CHRM2: variants seen among roughly 807,000 people sequenced by gnomAD.
The protein encoded by CHRM2 is cholinergic receptor muscarinic 2.
A neutral mutation model predicts 25.0 loss-of-function variants in CHRM2; 8 were observed. The ratio of observed to expected loss-of-function variants is 0.32; its 90% confidence interval spans 0.19 to 0.58. The LOEUF is 0.58. Among genes scored for constraint, CHRM2 ranks in the 20% least tolerant of loss-of-function variants. The pLI is 0.88. For missense variants in CHRM2, 440 were observed against 567.1 expected (o/e 0.78, Z 2.28); for synonymous variants, 202 against 205.7 (o/e 0.98, Z 0.15).
At position 136,960,478 on chromosome 7, in the gene CHRM2, A is replaced by C. The variant is rs1801003443; in HGVS notation, c.-124-31709A>C. 4.6e-5 allele frequency among the ~76,000 whole-genome samples: 7 copies of C among 152,352 alleles called. No individual in the cohort carries two copies. The South Asian group carries it at 1.5e-3, about 32-fold the overall frequency. On this transcript the variant is annotated intron_variant, in intron 2 of 3. Coordinates refer to ENST00000680005, the MANE Select transcript of CHRM2 (RefSeq NM_001006630.2). ...TCACTCATTCCCAGGTTCTCCAGTC[A>C]ACAGACAAGGAAGGAGTCAAATAGA...
intron 2 of CHRM2, among the ~76,000 whole-genome samples, chr7:136,925,890 T>C (rs1183801318): frequency 6.6e-6 from 1 of 152,212 alleles, no homozygotes. Flanking sequence ...GCAAAGTGCC[T>C]ACAATTATTA....
intron 2 of CHRM2, among the ~76,000 whole-genome samples, chr7:136,951,475 A>G (rs757724941): frequency 6.6e-6 from 1 of 152,200 alleles, no homozygotes; most frequent in African/African-American, 2.4e-5. Flanking sequence ...TGTAGGTTCT[A>G]TAACTGCAGC....
chr7:137,014,775 C>G, intron 3 of CHRM2, 45 bp from the exon 4 acceptor site: 1 of 1,155,656 alleles, frequency 8.7e-7, no homozygotes. Flanking sequence ...TATTTTAAAC[C>G]AATGTTTATA....
intron 2 of CHRM2, among the ~76,000 whole-genome samples, chr7:136,958,535 C>T (rs752837917): frequency 1.3e-5 from 2 of 150,694 alleles, no homozygotes; most frequent in Non-Finnish European, 3.0e-5. Context: ...AGCTCACTGC[C>T]ACCTCTACCT....
chr7:136,982,885 A>G (rs1802579136), intron 2 of CHRM2, among the ~76,000 whole-genome samples: 1 of 151,786 alleles, frequency 6.6e-6, no homozygotes, highest in Non-Finnish European at 1.5e-5. Flanking sequence ...TTTTTCCTTC[A>G]TTTCAACCTT....
chr7:136,916,452 T>A (rs924202749), intron 2 of CHRM2, among the ~76,000 whole-genome samples: 1 of 151,758 alleles, frequency 6.6e-6, no homozygotes, highest in African/African-American at 2.4e-5. Flanking sequence ...CCTCATAATA[T>A]GAATTCTGAG....
intron 3 of CHRM2, among the ~76,000 whole-genome samples, chr7:137,005,740 G>A (rs1357142294): frequency 6.6e-6 from 1 of 151,960 alleles, no homozygotes; most frequent in African/African-American, 2.4e-5. Context: ...TTTTATTCTA[G>A]AATTTTCTAT....
chr7:136,951,690 T>C (rs1295259195), intron 2 of CHRM2, among the ~76,000 whole-genome samples: 2 of 152,128 alleles, frequency 1.3e-5, no homozygotes, highest in Non-Finnish European at 2.9e-5. Flanking sequence ...AATACAATAT[T>C]TCAGTGAATT....
Position 136,953,561 on chromosome 7 carries a change from T to C in CHRM2, c.-124-38626T>C, listed in dbSNP as rs146621621. Among the ~76,000 whole-genome samples, 366 of 152,174 alleles carry C rather than the reference T, an allele frequency of 2.4e-3. 3 individuals are homozygous for C. Among genetic ancestry groups the C allele is most frequent in the Non-Finnish European group, 4.1e-3 (280 of 67,992 alleles). On this transcript the variant is annotated intron_variant, in intron 2 of 3. Coordinates refer to ENST00000680005, the MANE Select transcript of CHRM2 (RefSeq NM_001006630.2). Reference sequence around the variant, plus strand: ...GTTATGCCACATGCCAAATTACTCATTCAACAAACATTCACTGAATGCCTG... The same window carrying C: ...GTTATGCCACATGCCAAATTACTCACTCAACAAACATTCACTGAATGCCTG...
At chr7:136,965,997 TATA>T (rs1801392972) in intron 2 of CHRM2, among the ~76,000 whole-genome samples, 1 of 151,996 alleles carries the variant, frequency 6.6e-6, no homozygotes, top group Non-Finnish European at 1.5e-5. Flanking sequence ...TAGAATATGC[TATA>T]ATATTAACCA....
In CHRM2 at chr7:137,015,483, T is replaced by C. The variant is rs141382037; in HGVS notation, c.618T>C (p.Tyr206=). ...CAGTGATCATCATGACTGTGCTATA[T>C]TGGCACATATCCCGAGCCAGCAAGA... is the stretch of plus-strand genomic sequence containing the variant. ...YLPVIIMTVL[Y]WHISRASKSR... Residue 206 remains tyrosine, a synonymous_variant, in exon 4 of 4, where the codon TAT becomes TAC. Transcript: ENST00000680005. This position sits in a 1 kb window ranked among gnomAD's most constrained non-coding sequence, Gnocchi z 5.1. 3.1e-6 allele frequency: 5 copies of C among 1,613,200 alleles called. No homozygotes were observed. Among genetic ancestry groups the C allele is most frequent in the East Asian group, 2.2e-5 (1 of 44,742 alleles).
intron 2 of CHRM2, among the ~76,000 whole-genome samples, chr7:136,952,674 T>C (rs1213865559): frequency 2.0e-5 from 3 of 152,170 alleles, no homozygotes; most frequent in Non-Finnish European, 4.4e-5. Flanking sequence ...CACCCAGGTA[T>C]TAAGCCTAAT....
At chr7:136,979,008 T>C (rs1171615994) in intron 2 of CHRM2, among the ~76,000 whole-genome samples, 3 of 152,200 alleles carry the variant, frequency 2.0e-5, no homozygotes, top group Non-Finnish European at 4.4e-5. Flanking sequence ...CAGTTCTAGA[T>C]GCTTGAGGAA....
chr7:136,911,521 G>A (rs993684626), intron 2 of CHRM2, among the ~76,000 whole-genome samples: 6 of 151,866 alleles, frequency 4.0e-5, no homozygotes, highest in East Asian at 1.9e-4. Context: ...CAGCATGCTC[G>A]GCTGACTAAT....
At chr7:136,894,099 T>A (rs1388432528) in intron 2 of CHRM2, among the ~76,000 whole-genome samples, 1 of 152,118 alleles carries the variant, frequency 6.6e-6, no homozygotes, top group Non-Finnish European at 1.5e-5. Context: ...ATCCTCAGCT[T>A]GGAGGTGACA....
At chr7:137,008,368 C>A in intron 3 of CHRM2, among the ~76,000 whole-genome samples, 1 of 151,974 alleles carries the variant, frequency 6.6e-6, no homozygotes, top group South Asian at 2.1e-4. Flanking sequence ...GTACTGAAAG[C>A]TATGTATCTA....
chr7:136,969,208 C>G (rs1397681538), intron 2 of CHRM2, among the ~76,000 whole-genome samples: 2 of 151,952 alleles, frequency 1.3e-5, no homozygotes, highest in Non-Finnish European at 2.9e-5. Context: ...TGGTGAAATT[C>G]ATATTGGAAA....
At chr7:136,898,843 G>T (rs1180105614) in intron 2 of CHRM2, 1 of 152,030 alleles carries the variant, frequency 6.6e-6, no homozygotes, top group Non-Finnish European at 1.5e-5. Context: ...CAAGATGGAT[G>T]AAATAGTGAG....
chr7:136,888,037 C>T (rs561684087), intron 2 of CHRM2, among the ~76,000 whole-genome samples: 9 of 152,132 alleles, frequency 5.9e-5, no homozygotes, highest in Non-Finnish European at 4.4e-5. Flanking sequence ...CTCCTGTGAG[C>T]CCTGAGGGGA....
Sources: allele counts gnomAD v4.1 joint callset (sites outside exome capture counted in the v4.1 genomes callset), GRCh38; gene constraint gnomAD v4.1.1; non-coding constraint Gnocchi (gnomAD v3.1); transcripts MANE v1.5; gene names NCBI Gene and HGNC (gene_info 2026-07-23, HGNC 2026-07-21).